The following PARP15 variants were observed in gnomAD, a reference collection of about 807,000 sequenced individuals.
PARP15 encodes protein mono-ADP-ribosyltransferase PARP15.
Under a neutral mutation model 62.1 loss-of-function variants are expected in PARP15, and 50 were observed. The observed-to-expected ratio is 0.81, with a 90% confidence interval of 0.64 to 1.02. The LOEUF (loss-of-function observed/expected upper bound fraction) is 1.02. Among genes scored for constraint, PARP15 ranks in the 50% least tolerant of loss-of-function variants. The probability of loss-of-function intolerance (pLI) is 0.00; values close to 1 mark genes in which losing one functional copy is unlikely to be tolerated. For synonymous variants in PARP15, 309 were observed against 293.1 expected, an observed-to-expected ratio of 1.05 and a Z score of -0.55; for missense variants, 820 against 826.5, an observed-to-expected ratio of 0.99 and a Z score of 0.10.
At chr3:122,597,738 T>C (rs1934471048) in intron 1 of PARP15, among the ~76,000 whole-genome samples, 1 of 152,216 alleles carries the variant, frequency 6.6e-6, no homozygotes, top group African/African-American at 2.4e-5. Flanking sequence ...ATAGATTTTA[T>C]ATATATGCAT....
intron 1 of PARP15, among the ~76,000 whole-genome samples, chr3:122,586,312 T>C (rs1183583879): frequency 6.6e-6 from 1 of 152,126 alleles, no homozygotes; most frequent in Non-Finnish European, 1.5e-5. Context: ...GTTCAAGTGA[T>C]CCTCCCACCT....
At position 122,635,841 on chromosome 3, in the gene PARP15, C is replaced by G. The variant is rs111249589; in HGVS notation, c.1778C>G (p.Ala593Gly). 18 of 1,613,864 alleles carry G rather than the reference C, an allele frequency of 1.1e-5. No individual in the cohort carries two copies. In the African/African-American group the frequency reaches 2.0e-4, roughly 18 times the overall value. The change falls in exon 12 of 12, where the codon GCT becomes GGT. Residue 593 changes from alanine (A) to glycine (G), a missense_variant. Coordinates refer to ENST00000464300, the MANE Select transcript of PARP15 (RefSeq NM_001113523.3). ...TCCTATGGAAAAGGAACCTATTTTG[C>G]TGTGGATGCCAGTTATTCTGCCAAG... ...AVSYGKGTYF[A>G]VDASYSAKDT...
At chr3:122,588,647 G>A (rs1933639962) in intron 1 of PARP15, among the ~76,000 whole-genome samples, 1 of 152,206 alleles carries the variant, frequency 6.6e-6, no homozygotes, top group African/African-American at 2.4e-5. Flanking sequence ...GACAGAGCAA[G>A]ACTGTCTCTA....
At chr3:122,584,978 AC>A (rs528700831) in intron 1 of PARP15, among the ~76,000 whole-genome samples, 23 of 152,188 alleles carry the variant, frequency 1.5e-4, no homozygotes, top group Non-Finnish European at 2.6e-4. Flanking sequence ...TTTTCCTTAA[AC>A]CTATTAATAT....
chr3:122,621,360 C>T, intron 7 of PARP15, 84 bp from the exon 8 acceptor site: 1 of 1,415,882 alleles, frequency 7.1e-7, no homozygotes, highest in South Asian at 1.4e-5. Flanking sequence ...TCACGGATGT[C>T]AGCTGTTTTC....
At chr3:122,633,268 A>G (rs915940341) in intron 10 of PARP15, among the ~76,000 whole-genome samples, 1 of 152,216 alleles carries the variant, frequency 6.6e-6, no homozygotes, top group African/African-American at 2.4e-5. Context: ...ACACAGTAGG[A>G]CACAATATGT....
chr3:122,579,368 C>T (rs1435722511), intron 1 of PARP15, among the ~76,000 whole-genome samples: 1 of 151,898 alleles, frequency 6.6e-6, no homozygotes, highest in Non-Finnish European at 1.5e-5. Flanking sequence ...TTACAGACAG[C>T]TTTTCTATAT....
intron 1 of PARP15, among the ~76,000 whole-genome samples, chr3:122,598,245 G>T (rs1315819889): frequency 1.3e-5 from 2 of 152,130 alleles, no homozygotes; most frequent in African/African-American, 4.8e-5. Context: ...CTTTTCTATT[G>T]CTACATAACA....
intron 9 of PARP15, among the ~76,000 whole-genome samples, chr3:122,628,561 A>G (rs1936875973): frequency 6.6e-6 from 1 of 152,234 alleles, no homozygotes; most frequent in African/African-American, 2.4e-5. Flanking sequence ...AGTAAAAAAT[A>G]AAGCTTAACT....
At chr3:122,630,143 A>AT (rs1463529945) in intron 9 of PARP15, among the ~76,000 whole-genome samples, 1 of 152,314 alleles carries the variant, frequency 6.6e-6, no homozygotes, top group East Asian at 1.9e-4. Context: ...GGTAGTTATC[A>AT]TGCTATTTTC....
At chr3:122,614,187 C>T (rs770340896) in intron 4 of PARP15, among the ~76,000 whole-genome samples, 12 of 152,050 alleles carry the variant, frequency 7.9e-5, no homozygotes, top group East Asian at 3.8e-4. Flanking sequence ...TAACACCTTT[C>T]GGAATTGTTC....
At chr3:122,617,306 C>G (rs145700316) in intron 6 of PARP15, 142 bp downstream of exon 6, 1 of 804,752 alleles carries the variant, frequency 1.2e-6, no homozygotes, top group African/African-American at 1.7e-5. Flanking sequence ...TGGGTTGAAT[C>G]CCAGCTATGC....
chr3:122,632,983 T>C (rs1279356538), intron 10 of PARP15, among the ~76,000 whole-genome samples: 1 of 152,134 alleles, frequency 6.6e-6, no homozygotes, highest in African/African-American at 2.4e-5. Flanking sequence ...ACTATAGGGG[T>C]TTATCACGAG....
chr3:122,621,959 T>C (rs1395689346), intron 8 of PARP15, among the ~76,000 whole-genome samples: 2 of 152,158 alleles, frequency 1.3e-5, no homozygotes, highest in Non-Finnish European at 2.9e-5. Context: ...CCACCATGCC[T>C]GGCAAATATT....
chr3:122,632,672 C>G (rs939950794), intron 10 of PARP15, among the ~76,000 whole-genome samples: 1 of 152,190 alleles, frequency 6.6e-6, no homozygotes, highest in African/African-American at 2.4e-5. Context: ...TCTCTGTTTT[C>G]TCATTCACAA....
rs754166737 is a variant in PARP15, at chr3:122,606,030, T to C, written c.281T>C (p.Ile94Thr). ...AAAGAAGGTCTGAATCTCAAGTTGA[T>C]AAGTGGAGATGTTCTGTACATCTGG... ...QTKEGLNLKL[I>T]SGDVLYIWAD... is the part of the protein sequence containing the mutation. Residue 94 changes from isoleucine (I) to threonine (T), a missense_variant, in exon 2 of 12, where the codon ATA becomes ACA. Around this residue, in one of 3 missense-constraint regions of PARP15, gnomAD observed 731 missense variants for 727.7 expected, o/e 1.00. Coordinates refer to ENST00000464300, the MANE Select transcript of PARP15 (RefSeq NM_001113523.3). 7.1e-6 allele frequency: 11 copies of C among 1,551,962 alleles called. No homozygotes were observed. In the East Asian group the frequency reaches 1.5e-4, roughly 21 times the overall value.
chr3:122,616,547 G>T (rs761579690), intron 5 of PARP15, among the ~76,000 whole-genome samples: 4 of 151,918 alleles, frequency 2.6e-5, no homozygotes, highest in Non-Finnish European at 4.4e-5. Flanking sequence ...GACCAAGCTG[G>T]TCTCGAACTC....
intron 10 of PARP15, among the ~76,000 whole-genome samples, chr3:122,633,162 C>T (rs2107606430): frequency 6.6e-6 from 1 of 152,304 alleles, no homozygotes; most frequent in East Asian, 1.9e-4. Flanking sequence ...GATAACTTTT[C>T]ACATACCTGG....
At chr3:122,626,747 C>A in intron 8 of PARP15, 80 bp from the exon 9 acceptor site, 1 of 1,275,846 alleles carries the variant, frequency 7.8e-7, no homozygotes, top group Non-Finnish European at 1.1e-6. Context: ...TGTTTCTCAG[C>A]ACTGAGAACT....
Sources: gnomAD v4.1 joint callset for allele counts (sites outside exome capture counted in the v4.1 genomes callset) on GRCh38, gnomAD v4.1.1 for gene constraint, gnomAD v4.1.1 regional missense constraint, MANE v1.5 for transcripts, NCBI Gene and HGNC (gene_info 2026-07-23, HGNC 2026-07-21) for gene names.